TASP1: variants seen among roughly 807,000 people sequenced by gnomAD.
TASP1 encodes the protein threonine aspartase 1.
A neutral mutation model predicts 56.6 loss-of-function variants in TASP1; 16 were observed. The observed-to-expected ratio is 0.28, with a 90% CI of 0.19 to 0.43. TASP1 has a LOEUF of 0.43. TASP1 is among the 20% of genes least tolerant of loss of function. TASP1 has a pLI of 1.00. For synonymous variants in TASP1, 179 were observed against 184.2 expected (o/e 0.97, Z 0.23); for missense variants, 393 against 511.6 (o/e 0.77, Z 2.24).
the TASP1 span, among the ~76,000 whole-genome samples, chr20:13,371,659 G>T: frequency 1.3e-5 from 2 of 152,088 alleles, no homozygotes; most frequent in Non-Finnish European, 2.9e-5. Flanking sequence ...TGTCTATTAG[G>T]TCTGCTTTGT....
At chr20:13,633,785 G>A (rs1334021160) in intron 1 of TASP1, among the ~76,000 whole-genome samples, 1 of 150,082 alleles carries the variant, frequency 6.7e-6, no homozygotes, top group African/African-American at 2.5e-5. Context: ...CAACACAAAA[G>A]ATTTCCAATG....
intron 1 of TASP1, among the ~76,000 whole-genome samples, chr20:13,637,465 T>C (rs2049350189): frequency 1.3e-5 from 2 of 152,142 alleles, no homozygotes; most frequent in Non-Finnish European, 2.9e-5. Flanking sequence ...TTATTCAAAA[T>C]AGCCAAAAAG....
chr20:13,478,115 A>G (rs1275540229), intron 11 of TASP1, among the ~76,000 whole-genome samples: 1 of 152,188 alleles, frequency 6.6e-6, no homozygotes, highest in East Asian at 1.9e-4. Flanking sequence ...GGAAAAATAC[A>G]TAAAAACAAA....
intron 5 of TASP1, among the ~76,000 whole-genome samples, 188 bp from the exon 6 acceptor site, chr20:13,581,169 G>A (rs889275534): frequency 5.3e-5 from 8 of 152,092 alleles, no homozygotes; most frequent in African/African-American, 1.9e-4. Context: ...AAAAATGTAT[G>A]AAAACCTAGA....
At chr20:13,298,855 A>G in the TASP1 span, 13 of 1,398,418 alleles carry the variant, frequency 9.3e-6, no homozygotes, top group South Asian at 1.8e-4. Context: ...GGCCCTCAGG[A>G]GCAGCCTGGT....
At position 13,556,549 on chromosome 20, in the gene TASP1, A is replaced by G. The variant is rs149700977; in HGVS notation, c.675+2459T>C. 1.1e-3 allele frequency among the ~76,000 whole-genome samples: 173 copies of G among 152,318 alleles called. 1 individual carries two copies. Among genetic ancestry groups the G allele is most frequent in the Middle Eastern group, 3.4e-3 (1 of 292 alleles). ...ATTCTTGAATAAAATTATTGAATAA[A>G]ATTCAAACTCCTTGCCATGATCTAC... On this transcript the variant is annotated intron_variant, in intron 8 of 13. Coordinates refer to ENST00000337743, the MANE Select transcript of TASP1 (RefSeq NM_017714.3).
chr20:13,165,091 A>T, the TASP1 span: 1 of 470,184 alleles, frequency 2.1e-6, no homozygotes, highest in South Asian at 2.6e-5. Context: ...CAAGTATTCT[A>T]CTAGAAATAC....
the TASP1 span, among the ~76,000 whole-genome samples, chr20:13,192,965 T>C: frequency 6.6e-6 from 1 of 152,140 alleles, no homozygotes; most frequent in African/African-American, 2.4e-5. Flanking sequence ...AGAGAAAAAT[T>C]AGAAATATTC....
intron 9 of TASP1, 115 bp from the exon 10 acceptor site, chr20:13,528,626 T>A: frequency 1.4e-6 from 1 of 729,938 alleles, no homozygotes; most frequent in Non-Finnish European, 2.2e-6. Context: ...GTAAAACAAC[T>A]AGGTGATAAT....
At chr20:13,629,197 C>T (rs2147579364) in intron 2 of TASP1, among the ~76,000 whole-genome samples, 1 of 152,104 alleles carries the variant, frequency 6.6e-6, no homozygotes, top group Admixed American at 6.5e-5. Context: ...GAAACCCCAT[C>T]TACTAAAAAT....
chr20:13,136,015 A>G, the TASP1 span, among the ~76,000 whole-genome samples: 115 of 152,362 alleles, frequency 7.5e-4, no homozygotes, highest in African/African-American at 2.7e-3. Flanking sequence ...GGTATACAGA[A>G]TTTCAATTAC....
intron 12 of TASP1, among the ~76,000 whole-genome samples, chr20:13,418,711 C>T (rs77175041): frequency 0.024 from 3,718 of 152,272 alleles, 81 homozygotes; most frequent in Non-Finnish European, 0.034. Context: ...TTGATGGACT[C>T]CAACTTAACT....
chr20:13,405,543 TTTAA>T (rs778848939), intron 13 of TASP1, among the ~76,000 whole-genome samples: 1 of 152,060 alleles, frequency 6.6e-6, no homozygotes, highest in African/African-American at 2.4e-5. Flanking sequence ...GTTTATTTAA[TTTAA>T]TTAATTAAGT....
intron 11 of TASP1, among the ~76,000 whole-genome samples, chr20:13,452,458 A>C (rs1163470460): frequency 2.0e-5 from 3 of 151,828 alleles, no homozygotes; most frequent in African/African-American, 7.2e-5. Context: ...TCTGTTGGCC[A>C]GACACAATTT....
intron 11 of TASP1, among the ~76,000 whole-genome samples, chr20:13,441,131 T>G (rs1432903653): frequency 1.3e-5 from 2 of 152,100 alleles, no homozygotes; most frequent in Admixed American, 6.6e-5. Context: ...ATTACCTCAT[T>G]TTTGCCTGCC....
chr20:13,220,125 T>C, the TASP1 span, among the ~76,000 whole-genome samples: 1 of 150,942 alleles, frequency 6.6e-6, no homozygotes, highest in Non-Finnish European at 1.5e-5. Flanking sequence ...CTTGGCTCGC[T>C]GGGAGGGAAG....
intron 11 of TASP1, among the ~76,000 whole-genome samples, chr20:13,465,704 G>A (rs6079075): frequency 0.35 from 53,740 of 151,742 alleles, 10,309 homozygotes; most frequent in Non-Finnish European, 0.43. Flanking sequence ...GAATCTCCAC[G>A]GAATTTTGCT....
the TASP1 span, among the ~76,000 whole-genome samples, chr20:13,163,852 T>C: frequency 2.2e-4 from 33 of 152,330 alleles, no homozygotes; most frequent in Admixed American, 1.9e-3. Context: ...TAAAAAGGCA[T>C]GACCAATACC....
intron 12 of TASP1, among the ~76,000 whole-genome samples, chr20:13,417,808 T>G (rs1050814046): frequency 3.3e-5 from 5 of 151,948 alleles, no homozygotes; most frequent in African/African-American, 1.2e-4. Context: ...ACACACACAC[T>G]CGTACATACG....
Sources: allele counts gnomAD v4.1 joint callset (sites outside exome capture counted in the v4.1 genomes callset), GRCh38; gene constraint gnomAD v4.1.1; transcripts MANE v1.5; gene names NCBI Gene and HGNC (gene_info 2026-07-23, HGNC 2026-07-21).